PCDHA5: variants seen among roughly 807,000 people sequenced by gnomAD.
PCDHA5 encodes protocadherin alpha-5.
Under a neutral mutation model 61.6 loss-of-function variants are expected in PCDHA5, and 43 were observed. The observed-to-expected ratio is 0.70, with a 90% confidence interval of 0.55 to 0.90. The LOEUF (loss-of-function observed/expected upper bound fraction) is 0.90, where lower values mean the gene tolerates loss of function less well. Ranked by LOEUF, PCDHA5 falls within the 40% of genes least tolerant of loss-of-function variation. The pLI is 0.00. For missense variants in PCDHA5, 1,298 were observed against 1,222.7 expected, an observed-to-expected ratio of 1.06 and a Z score of -0.92; for synonymous variants, 627 against 543.9, an observed-to-expected ratio of 1.15 and a Z score of -2.13.
chr5:140,834,170 A>T (rs1010045259), intron 1 of PCDHA5: 13 of 553,312 alleles, frequency 2.3e-5, no homozygotes, highest in Admixed American at 1.0e-4. Flanking sequence ...TCTTACTTAC[A>T]TGATGGCCAC....
At chr5:140,869,546 C>T (rs201504685) in intron 1 of PCDHA5, 3 of 1,614,170 alleles carry the variant, frequency 1.9e-6, no homozygotes, top group Middle Eastern at 1.6e-4. Flanking sequence ...TCTAAGCAAT[C>T]GGACTCGCGT....
chr5:140,900,780 C>T (rs1554189418), intron 1 of PCDHA5, among the ~76,000 whole-genome samples: 1 of 152,192 alleles, frequency 6.6e-6, no homozygotes, highest in Admixed American at 6.5e-5. Flanking sequence ...TTTGAGGAAA[C>T]TCCAAACTGT....
At chr5:140,865,116 G>T (rs2048743320) in intron 1 of PCDHA5, 1 of 152,144 alleles carries the variant, frequency 6.6e-6, no homozygotes, top group Non-Finnish European at 1.5e-5. Flanking sequence ...GACAATTGTG[G>T]TGTTAATTAT....
chr5:140,967,610 T>A, intron 1 of PCDHA5: 1 of 1,614,108 alleles, frequency 6.2e-7, no homozygotes, highest in Non-Finnish European at 8.5e-7. Context: ...GCTGAATGCC[T>A]CAGACCCGGA....
At chr5:140,926,775 G>C in intron 1 of PCDHA5, 9 of 1,391,106 alleles carry the variant, frequency 6.5e-6, no homozygotes, top group Admixed American at 3.1e-5. Flanking sequence ...GCCCGCAGCA[G>C]TGACGGCCGG....
chr5:140,836,926 G>A (rs1041643515), intron 1 of PCDHA5: 6 of 510,622 alleles, frequency 1.2e-5, no homozygotes, highest in Non-Finnish European at 1.7e-5. Flanking sequence ...TTTGGGATGC[G>A]TAATACTATA....
Position 140,821,665 on chromosome 5 carries a change from G to A in PCDHA5, c.-111G>A. On this transcript the variant is annotated 5_prime_UTR_variant, in exon 1 of 4. Transcript: ENST00000529859. ...AACCTTCCATTTTTGGCTGTGCCAA[G>A]AAGCTCAGAAAGGCGATAATATAAA... 1 of 1,236,776 alleles carries A rather than the reference G, an allele frequency of 8.1e-7. No individual in the cohort carries two copies. Among genetic ancestry groups the A allele is most frequent in the Non-Finnish European group, 1.1e-6 (1 of 892,160 alleles). 76.6% of individuals were successfully genotyped at this position (1,236,776 alleles called of 1,614,324 possible). A position where few individuals can be genotyped will look rare whatever the true frequency, so the allele number is the denominator to read the frequency against.
intron 1 of PCDHA5, among the ~76,000 whole-genome samples, chr5:140,898,180 G>T (rs1216288813): frequency 6.6e-6 from 1 of 152,128 alleles, no homozygotes; most frequent in Non-Finnish European, 1.5e-5. Context: ...CTGTGCAGAA[G>T]CTCTTTAGTT....
Position 140,995,490 on chromosome 5 carries a change from A to C in PCDHA5, c.2500+12927A>C, listed in dbSNP as rs181247682. Among the ~76,000 whole-genome samples the C allele has an allele frequency of 2.7e-3, 416 of 152,304 alleles. 1 individual carries two copies. The highest frequency in any genetic ancestry group is 4.2e-3 in the Non-Finnish European group (283 of 68,028). ...ATTTTTCATTTAATATTTTCAGACT[A>C]AGGTTGACTGTGGGTAACTGAAGCC... is the stretch of plus-strand genomic sequence containing the variant. On this transcript the variant is annotated intron_variant, in intron 3 of 3. Transcript: ENST00000529859.
intron 1 of PCDHA5, among the ~76,000 whole-genome samples, chr5:140,974,406 T>C (rs903349256): frequency 3.9e-5 from 6 of 152,226 alleles, no homozygotes; most frequent in Non-Finnish European, 8.8e-5. Flanking sequence ...GTTCTAAAGT[T>C]ATGTTTATTT....
intron 1 of PCDHA5, chr5:140,968,903 A>G: frequency 6.2e-7 from 1 of 1,614,216 alleles, no homozygotes; most frequent in Non-Finnish European, 8.5e-7. Context: ...AATAGCATTA[A>G]GCACAGTGTC....
At chr5:140,889,626 TC>T (rs2062301507) in intron 1 of PCDHA5, among the ~76,000 whole-genome samples, 1 of 152,228 alleles carries the variant, frequency 6.6e-6, no homozygotes, top group African/African-American at 2.4e-5. Flanking sequence ...TCATTTCTCT[TC>T]TTTTCATTTG....
chr5:140,993,087 G>T (rs1476981409), intron 3 of PCDHA5, among the ~76,000 whole-genome samples: 2 of 152,188 alleles, frequency 1.3e-5, no homozygotes, highest in African/African-American at 4.8e-5. Flanking sequence ...AATCAGCAGG[G>T]CTATGTTTAT....
chr5:140,858,347 C>T lies in PCDHA5; in HGVS notation c.2352+34220C>T. ...TGGGGAGGGCCTGCCCAAGGCGGAC[C>T]TCATGGCCTTCAGCCCCAGCCTTCC... On this transcript the variant is annotated intron_variant, in intron 1 of 3. Transcript: ENST00000529859. 3 of 1,594,932 alleles carry T rather than the reference C, an allele frequency of 1.9e-6. No individual in the cohort carries two copies. The East Asian group carries it at 6.7e-5, about 36-fold the overall frequency.
At chr5:140,912,312 T>C (rs2075860793) in intron 1 of PCDHA5, among the ~76,000 whole-genome samples, 1 of 151,960 alleles carries the variant, frequency 6.6e-6, no homozygotes, top group African/African-American at 2.4e-5. Flanking sequence ...TCCAGTCAAG[T>C]TGACCCTCAG....
At chr5:140,895,880 C>T (rs564030159) in intron 1 of PCDHA5, among the ~76,000 whole-genome samples, 4 of 152,240 alleles carry the variant, frequency 2.6e-5, no homozygotes, top group East Asian at 3.9e-4. Flanking sequence ...GGCGCGATCT[C>T]GGCTCACTGC....
intron 3 of PCDHA5, among the ~76,000 whole-genome samples, chr5:140,992,848 C>T (rs2097530967): frequency 6.6e-6 from 1 of 152,124 alleles, no homozygotes; most frequent in Non-Finnish European, 1.5e-5. Flanking sequence ...TGTATAACAA[C>T]CAGTTTCACT....
chr5:140,959,303 T>C (rs1467527270), intron 1 of PCDHA5, among the ~76,000 whole-genome samples: 1 of 151,938 alleles, frequency 6.6e-6, no homozygotes, highest in African/African-American at 2.4e-5. Flanking sequence ...CTGAGCCCGG[T>C]GGTTGAAGCT....
intron 1 of PCDHA5, chr5:140,855,916 A>G (rs2043673154): frequency 8.4e-7 from 1 of 1,191,010 alleles, no homozygotes. Flanking sequence ...CTCAAGGACT[A>G]GGAAGTAGCG....
Sources: gnomAD v4.1 joint callset for allele counts (sites outside exome capture counted in the v4.1 genomes callset) on GRCh38, gnomAD v4.1.1 for gene constraint, MANE v1.5 for transcripts, NCBI Gene and HGNC (gene_info 2026-07-23, HGNC 2026-07-21) for gene names.